Variants in RANBP10 observed in about 807,000 individuals in gnomAD.
The protein encoded by RANBP10 is RAN binding protein 10.
Under a neutral mutation model 72.8 loss-of-function variants are expected in RANBP10, and 24 were observed. That is an observed-to-expected ratio of 0.33 (90% CI 0.24 to 0.46). The LOEUF (loss-of-function observed/expected upper bound fraction) is 0.46. Among genes scored for constraint, RANBP10 ranks in the 20% least tolerant of loss-of-function variants. The pLI, the probability that RANBP10 is intolerant of heterozygous loss-of-function variation, is 1.00. For synonymous variants in RANBP10, 310 were observed against 322.3 expected (o/e 0.96, Z 0.41); for missense variants, 679 against 817.5 (o/e 0.83, Z 2.07).
At chr16:67,744,580 C>A (rs1231247639) in intron 3 of RANBP10, 125 bp from the exon 4 acceptor site, 15 of 1,055,726 alleles carry the variant, frequency 1.4e-5, no homozygotes, top group Non-Finnish European at 1.6e-5. Context: ...GCACTCTTGG[C>A]TTCTAGCAGA....
chr16:67,782,787 A>G (rs370424258), intron 2 of RANBP10, among the ~76,000 whole-genome samples: 23 of 151,616 alleles, frequency 1.5e-4, no homozygotes, highest in South Asian at 1.3e-3. Context: ...CTTAAAAGCC[A>G]CTTTTAAGAG....
At chr16:67,747,970 G>GC (rs1286521263) in intron 3 of RANBP10, among the ~76,000 whole-genome samples, 1 of 150,860 alleles carries the variant, frequency 6.6e-6, no homozygotes, top group East Asian at 2.0e-4. Flanking sequence ...ACAGGCGCCC[G>GC]CCACCATGCC....
chr16:67,729,874 G>A lies in RANBP10; in HGVS notation c.999-46C>T, dbSNP rs764709479. On this transcript the variant is annotated intron_variant, in intron 8 of 13. Transcript: ENST00000317506. This position sits in a 1 kb window ranked among gnomAD's most constrained non-coding sequence, Gnocchi z 7.1. ...TAATGCTCTGGTTGTGGTCCAGGTT[G>A]ACGTTCCCACCACCAGCTGAGAGGG... 5 of 1,613,514 alleles carry A rather than the reference G, an allele frequency of 3.1e-6. No homozygotes were observed. Among genetic ancestry groups the A allele is most frequent in the South Asian group, 2.2e-5 (2 of 91,072 alleles).
chr16:67,726,265 G>GAGAA lies in RANBP10; in HGVS notation c.*159_*162dup, dbSNP rs1306652704. The GAGAA allele has an allele frequency of 9.3e-7, 1 of 1,072,212 alleles. No individual in the cohort carries two copies. Among genetic ancestry groups the GAGAA allele is most frequent in the Admixed American group, 2.3e-5 (1 of 43,508 alleles). 66.4% of individuals were successfully genotyped at this position (1,072,212 alleles called of 1,614,324 possible). A position where few individuals can be genotyped will look rare whatever the true frequency, so the allele number is the denominator to read the frequency against. ...GAGAGACTGAGCGGGGTGGTGGGCAGAGAAAGGAAGGAAGGAAGGAAAGGG... is the reference window on the plus strand; with the variant it reads ...GAGAGACTGAGCGGGGTGGTGGGCAGAGAAAGAAAGGAAGGAAGGAAGGAAAGGG... On this transcript the variant is annotated 3_prime_UTR_variant, in exon 14 of 14. Transcript: ENST00000317506.
At chr16:67,800,398 C>T (rs367924950) in intron 2 of RANBP10, among the ~76,000 whole-genome samples, 1 of 152,252 alleles carries the variant, frequency 6.6e-6, no homozygotes, top group African/African-American at 2.4e-5. Context: ...AGGCCTCCGC[C>T]GCTGGGATGA....
At chr16:67,806,232 G>C in intron 1 of RANBP10, 70 bp downstream of exon 1, 1 of 1,400,366 alleles carries the variant, frequency 7.1e-7, no homozygotes, top group Non-Finnish European at 9.7e-7. Flanking sequence ...GTGATAGGGC[G>C]GGGGCCTGGC....
chr16:67,737,660 A>T (rs886894707), intron 5 of RANBP10, among the ~76,000 whole-genome samples: 1 of 151,956 alleles, frequency 6.6e-6, no homozygotes, highest in Non-Finnish European at 1.5e-5. Flanking sequence ...CTCACAGTTC[A>T]GGAACAATTC....
intron 3 of RANBP10, among the ~76,000 whole-genome samples, chr16:67,764,362 T>C (rs1255750845): frequency 1.3e-5 from 2 of 152,174 alleles, no homozygotes; most frequent in African/African-American, 4.8e-5. Flanking sequence ...CTGACTCAGA[T>C]AAGGGCCGCT....
intron 1 of RANBP10, among the ~76,000 whole-genome samples, chr16:67,806,014 C>T (rs1052746234): frequency 6.6e-6 from 1 of 152,248 alleles, no homozygotes; most frequent in Non-Finnish European, 1.5e-5. Context: ...GTCCCGCTGC[C>T]GTTGGCGCCA....
chr16:67,736,707 C>T (rs553482792), intron 5 of RANBP10, among the ~76,000 whole-genome samples: 4 of 152,306 alleles, frequency 2.6e-5, no homozygotes, highest in Non-Finnish European at 4.4e-5. Context: ...TTTCATGTCA[C>T]GTCCCCATAA....
chr16:67,738,140 TTTG>T (rs1304716772), intron 4 of RANBP10, 105 bp from the exon 5 acceptor site: 51 of 1,297,572 alleles, frequency 3.9e-5, no homozygotes, highest in East Asian at 5.4e-5. Flanking sequence ...TTTTTTTTGG[TTTG>T]TTGTTGTTGT....
intron 2 of RANBP10, among the ~76,000 whole-genome samples, chr16:67,772,364 C>CA (rs1249573502): frequency 1.3e-5 from 2 of 152,202 alleles, no homozygotes; most frequent in African/African-American, 2.4e-5. Flanking sequence ...GTCATGAATT[C>CA]ATGGCTTCCA....
intron 2 of RANBP10, among the ~76,000 whole-genome samples, chr16:67,797,831 A>T (rs1266457115): frequency 6.6e-6 from 1 of 151,874 alleles, no homozygotes. Flanking sequence ...TTAAATAAAT[A>T]AAATAAAAAT....
chr16:67,749,402 T>A (rs1024557417), intron 3 of RANBP10, among the ~76,000 whole-genome samples: 2 of 152,240 alleles, frequency 1.3e-5, no homozygotes, highest in African/African-American at 4.8e-5. Context: ...TCAGCCCTGC[T>A]GGTGCCTCCT....
chr16:67,763,630 G>A (rs760284243), intron 3 of RANBP10: 2 of 151,716 alleles, frequency 1.3e-5, no homozygotes, highest in African/African-American at 4.9e-5. Flanking sequence ...AAGTCTTCTG[G>A]GTCCCTCAAG....
intron 3 of RANBP10, among the ~76,000 whole-genome samples, chr16:67,749,706 A>G (rs1222669513): frequency 6.6e-6 from 1 of 152,172 alleles, no homozygotes; most frequent in East Asian, 1.9e-4. Flanking sequence ...TCCCCACCAG[A>G]GGCAGGCTCA....
At chr16:67,745,448 C>G (rs565775725) in intron 3 of RANBP10, among the ~76,000 whole-genome samples, 1 of 152,082 alleles carries the variant, frequency 6.6e-6, no homozygotes, top group Non-Finnish European at 1.5e-5. Flanking sequence ...GATTCTCTTG[C>G]CTCAGCCTCT....
At chr16:67,761,701 C>T (rs2054397493) in intron 3 of RANBP10, among the ~76,000 whole-genome samples, 1 of 152,152 alleles carries the variant, frequency 6.6e-6, no homozygotes, top group African/African-American at 2.4e-5. Context: ...TCCTGAGTAG[C>T]TGGGACTACA....
chr16:67,767,630 T>C (rs1172080723), intron 3 of RANBP10, among the ~76,000 whole-genome samples: 1 of 150,844 alleles, frequency 6.6e-6, no homozygotes, highest in Non-Finnish European at 1.5e-5. Flanking sequence ...GGCGTCTCGC[T>C]CTTTCACCCA....
Sources: gnomAD v4.1 joint callset for allele counts (sites outside exome capture counted in the v4.1 genomes callset) on GRCh38, gnomAD v4.1.1 for gene constraint, Gnocchi (gnomAD v3.1) non-coding constraint, MANE v1.5 for transcripts, NCBI Gene and HGNC (gene_info 2026-07-23, HGNC 2026-07-21) for gene names.